EFEMP1: variants seen among roughly 807,000 people sequenced by gnomAD.
EFEMP1 encodes EGF-containing fibulin-like extracellular matrix protein 1.
Under a neutral mutation model 65.7 loss-of-function variants are expected in EFEMP1, and 18 were observed. The observed-to-expected ratio is 0.27, with a 90% CI of 0.19 to 0.41. EFEMP1 has a LOEUF of 0.41. Ranked by LOEUF, EFEMP1 falls within the 10% of genes least tolerant of loss-of-function variation. EFEMP1 has a pLI of 1.00. For missense variants in EFEMP1, 469 were observed against 624.8 expected (o/e 0.75, Z 2.66); for synonymous variants, 237 against 219.7 (o/e 1.08, Z -0.70).
Position 55,871,572 on chromosome 2 carries a change from TGAAG to T in EFEMP1, c.1001-453_1001-450del, listed in dbSNP as rs1389257091. Among the ~76,000 whole-genome samples the T allele has an allele frequency of 6.6e-6, 1 of 152,016 alleles. No individual in the cohort carries two copies. The highest frequency in any genetic ancestry group is 1.5e-5 in the Non-Finnish European group (1 of 68,000). ...TTTTGCCAGGGGGATTAGGGAAGGC[TGAAG>T]GAAGGAAGAGGCATCTCAACGTGGC... On this transcript the variant is annotated intron_variant, in intron 9 of 11. Transcript: ENST00000355426. This position sits in a 1 kb window ranked among gnomAD's most constrained non-coding sequence, Gnocchi z 4.2.
Position 55,866,850 on chromosome 2 carries a change from G to A in EFEMP1, c.*223C>T. On this transcript the variant is annotated 3_prime_UTR_variant, in exon 12 of 12. Transcript: ENST00000355426. ...TACTTAGCTCTCTTGAAGAAGACCAGTTTAGTGGATTAATGTCTAATTTAC... is the reference window on the plus strand; with the variant it reads ...TACTTAGCTCTCTTGAAGAAGACCAATTTAGTGGATTAATGTCTAATTTAC... The A allele has an allele frequency of 1.9e-6, 1 of 540,118 alleles. No individual in the cohort carries two copies. The highest frequency in any genetic ancestry group is 3.2e-6 in the Non-Finnish European group (1 of 308,108). The allele number at this position is 540,118 out of a possible 1,614,324, so 33.5% of individuals were successfully genotyped here.
intron 9 of EFEMP1, among the ~76,000 whole-genome samples, chr2:55,874,209 T>C (rs1668934269): frequency 6.6e-6 from 1 of 152,092 alleles, no homozygotes; most frequent in Admixed American, 6.6e-5. Flanking sequence ...TGTGTAAATT[T>C]AAGTGTTTGT....
At chr2:55,909,740 T>TA (rs1396767413) in intron 5 of EFEMP1, among the ~76,000 whole-genome samples, 2 of 152,228 alleles carry the variant, frequency 1.3e-5, no homozygotes, top group East Asian at 3.8e-4. Flanking sequence ...CTGTGTCACA[T>TA]ACTAGTTTTA....
Position 55,883,683 on chromosome 2 carries a change from T to C in EFEMP1, c.518-1949A>G, listed in dbSNP as rs1292013232. ...TGCAAACTGCCTCCACCCCGCTGCA[T>C]TCCTACAACTGATGCCCTATGACTT... On this transcript the variant is annotated intron_variant, in intron 5 of 11. Coordinates refer to ENST00000355426, the MANE Select transcript of EFEMP1 (RefSeq NM_001039348.3). This position sits in a 1 kb window ranked among gnomAD's most constrained non-coding sequence, Gnocchi z 4.5. Among the ~76,000 whole-genome samples the C allele has an allele frequency of 2.0e-5, 3 of 152,150 alleles. No individual in the cohort carries two copies.
intron 11 of EFEMP1, among the ~76,000 whole-genome samples, chr2:55,869,097 C>T (rs1305678998): frequency 1.3e-5 from 2 of 152,026 alleles, no homozygotes; most frequent in Non-Finnish European, 2.9e-5. Flanking sequence ...TGGAGAAAAA[C>T]ACTGTATTTT....
chr2:55,880,696 G>GT (rs755416179), intron 6 of EFEMP1, among the ~76,000 whole-genome samples: 12 of 152,216 alleles, frequency 7.9e-5, no homozygotes, highest in African/African-American at 1.4e-4. Flanking sequence ...CTGATCTGTG[G>GT]TAAGAAGGGG....
chr2:55,893,466 G>T (rs1049506576), intron 5 of EFEMP1, among the ~76,000 whole-genome samples: 1 of 152,122 alleles, frequency 6.6e-6, no homozygotes, highest in Non-Finnish European at 1.5e-5. Flanking sequence ...GAGTCAAATA[G>T]GTCTCAGTTC....
Position 55,867,275 on chromosome 2 carries a change from C to G in EFEMP1, c.1321-41G>C. 1 of 1,601,304 alleles carries G rather than the reference C, an allele frequency of 6.2e-7. No individual in the cohort carries two copies. The highest frequency in any genetic ancestry group is 8.5e-7 in the Non-Finnish European group (1 of 1,172,866). On this transcript the variant is annotated intron_variant, in intron 11 of 11. Coordinates refer to ENST00000355426, the MANE Select transcript of EFEMP1 (RefSeq NM_001039348.3). The surrounding 1 kb of genome is among the most constrained non-coding windows in gnomAD (Gnocchi z 4.3). ...ATAGAGAAAGGAAGAGAATAATTTT[C>G]TTGGATTGGAGTTTCTATGCTTTGT...
chr2:55,891,664 T>C (rs1669633399), intron 5 of EFEMP1, among the ~76,000 whole-genome samples: 1 of 152,102 alleles, frequency 6.6e-6, no homozygotes, highest in Non-Finnish European at 1.5e-5. Context: ...AAGGTTTCAT[T>C]GTAAGTGGTT....
intron 5 of EFEMP1, among the ~76,000 whole-genome samples, chr2:55,891,625 A>C (rs893810399): frequency 1.3e-5 from 2 of 152,112 alleles, no homozygotes; most frequent in East Asian, 1.9e-4. Flanking sequence ...CATCTGAAAT[A>C]CTTGCCTCAT....
intron 5 of EFEMP1, among the ~76,000 whole-genome samples, chr2:55,895,497 A>T (rs1350256569): frequency 2.0e-5 from 3 of 151,776 alleles, no homozygotes; most frequent in African/African-American, 4.8e-5. Context: ...CACCACAGAA[A>T]GTAGCTTGTT....
chr2:55,913,552 T>G (rs1670564597), intron 5 of EFEMP1, among the ~76,000 whole-genome samples: 1 of 152,178 alleles, frequency 6.6e-6, no homozygotes, highest in Non-Finnish European at 1.5e-5. Context: ...ACAAACAAGT[T>G]TCTTCAATTA....
chr2:55,922,044 T>G lies in EFEMP1; in HGVS notation c.81+316A>C. ...TAGGAGTCCAGGTTTTCCAGTTCCTTACACCCATTAATTTGTTGAATGTTT... is the reference window on the plus strand; with the variant it reads ...TAGGAGTCCAGGTTTTCCAGTTCCTGACACCCATTAATTTGTTGAATGTTT... On this transcript the variant is annotated intron_variant, in intron 3 of 11. Coordinates refer to ENST00000355426, the MANE Select transcript of EFEMP1 (RefSeq NM_001039348.3). This position sits in a 1 kb window ranked among gnomAD's most constrained non-coding sequence, Gnocchi z 5.5. The G allele has an allele frequency of 5.4e-6, 2 of 369,904 alleles. No homozygotes were observed. Among genetic ancestry groups the G allele is most frequent in the Non-Finnish European group, 1.0e-5 (2 of 191,298 alleles). The allele number at this position is 369,904 out of a possible 1,614,324, so 22.9% of individuals were successfully genotyped here. A position where few individuals can be genotyped will look rare whatever the true frequency, so the allele number is the denominator to read the frequency against.
At chr2:55,899,666 G>C (rs775867722) in intron 5 of EFEMP1, among the ~76,000 whole-genome samples, 3 of 152,158 alleles carry the variant, frequency 2.0e-5, no homozygotes, top group African/African-American at 4.8e-5. Context: ...TCTCAGTTGA[G>C]CCCTGTGTGT....
At position 55,877,108 on chromosome 2, in the gene EFEMP1, TA is replaced by T. The variant is rs1486423440; in HGVS notation, c.761-367del. On this transcript the variant is annotated intron_variant, in intron 7 of 11. Coordinates refer to ENST00000355426, the MANE Select transcript of EFEMP1 (RefSeq NM_001039348.3). The surrounding 1 kb of genome is among the most constrained non-coding windows in gnomAD (Gnocchi z 4.5). Reference sequence around the variant, plus strand: ...GTTCAGATACAAAATGCCAATTCTATAAATAATTGATATAAGACACTTATAC... The same window carrying T: ...GTTCAGATACAAAATGCCAATTCTATAATAATTGATATAAGACACTTATAC... Among the ~76,000 whole-genome samples, 1 of 152,146 alleles carries T rather than the reference TA, an allele frequency of 6.6e-6. No individual in the cohort carries two copies. The highest frequency in any genetic ancestry group is 1.5e-5 in the Non-Finnish European group (1 of 68,038).
Position 55,886,193 on chromosome 2 carries a change from G to A in EFEMP1, c.518-4459C>T, listed in dbSNP as rs1669414257. On this transcript the variant is annotated intron_variant, in intron 5 of 11. Transcript: ENST00000355426. The surrounding 1 kb of genome is among the most constrained non-coding windows in gnomAD (Gnocchi z 4.0). ...ATCTGTCACTCCCTGTGTGATCTAG[G>A]GTCATGGTATCAATTTTTTCTCTTT... 6.6e-6 allele frequency among the ~76,000 whole-genome samples: 1 copy of A among 152,052 alleles called. No individual in the cohort carries two copies. Among genetic ancestry groups the A allele is most frequent in the African/African-American group, 2.4e-5 (1 of 41,412 alleles).
At position 55,921,977 on chromosome 2, in the gene EFEMP1, C is replaced by T. The variant is rs1004108625; in HGVS notation, c.81+383G>A. Reference sequence around the variant, plus strand: ...TATGGTGTTTAACGTTCTTACTTGACTTGAGTCTTATTCTGCACGTATTGG... The same window carrying T: ...TATGGTGTTTAACGTTCTTACTTGATTTGAGTCTTATTCTGCACGTATTGG... On this transcript the variant is annotated intron_variant, in intron 3 of 11. Transcript: ENST00000355426. This position sits in a 1 kb window ranked among gnomAD's most constrained non-coding sequence, Gnocchi z 4.1. 5 of 281,666 alleles carry T rather than the reference C, an allele frequency of 1.8e-5. No homozygotes were observed. In the South Asian group the frequency reaches 1.9e-4, roughly 11 times the overall value. The allele number at this position is 281,666 out of a possible 1,614,324, so 17.4% of individuals were successfully genotyped here.
chr2:55,915,292 C>A (rs1329798375), intron 5 of EFEMP1, among the ~76,000 whole-genome samples: 1 of 152,134 alleles, frequency 6.6e-6, no homozygotes, highest in Non-Finnish European at 1.5e-5. Flanking sequence ...ACACAGTCAA[C>A]AGGTATGTAT....
chr2:55,913,550 G>A (rs959205483), intron 5 of EFEMP1, among the ~76,000 whole-genome samples: 1 of 151,072 alleles, frequency 6.6e-6, no homozygotes, highest in Non-Finnish European at 1.5e-5. Context: ...AAACAAACAA[G>A]TTTCTTCAAT....
Sources: allele counts gnomAD v4.1 joint callset (sites outside exome capture counted in the v4.1 genomes callset), GRCh38; gene constraint gnomAD v4.1.1; non-coding constraint Gnocchi (gnomAD v3.1); transcripts MANE v1.5; gene names NCBI Gene and HGNC (gene_info 2026-07-23, HGNC 2026-07-21).